SLC23A2: variants seen among roughly 807,000 people sequenced by gnomAD.
SLC23A2 encodes Na(+)/L-ascorbic acid transporter 2.
A neutral mutation model predicts 73.3 loss-of-function variants in SLC23A2; 36 were observed. The observed-to-expected ratio is 0.49, with a 90% CI of 0.38 to 0.65. SLC23A2 has a LOEUF of 0.65. Ranked by LOEUF, SLC23A2 falls within the 30% of genes least tolerant of loss-of-function variation. The pLI is 0.00. For missense variants in SLC23A2, 507 were observed against 841.6 expected (o/e 0.60, Z 4.92); for synonymous variants, 343 against 327.3 (o/e 1.05, Z -0.52).
upstream of SLC23A2, among the ~76,000 whole-genome samples, chr20:5,001,666 C>A (rs924427060): frequency 2.7e-5 from 4 of 150,590 alleles, no homozygotes; most frequent in African/African-American, 9.7e-5. Flanking sequence ...CCCGGAACAT[C>A]CCGGGCCTCG....
chr20:4,953,342 G>A (rs972817039), intron 2 of SLC23A2, among the ~76,000 whole-genome samples: 1 of 151,702 alleles, frequency 6.6e-6, no homozygotes, highest in African/African-American at 2.4e-5. Context: ...AATAAAAAAA[G>A]AAATGTAATT....
At chr20:5,002,102 A>G (rs2423083), upstream of SLC23A2, among the ~76,000 whole-genome samples, 31,072 of 152,088 alleles carry the variant, frequency 0.2, 3,639 homozygotes, top group African/African-American at 0.33. Flanking sequence ...GGTGCAGCCC[A>G]AAAGTCTGCA....
At chr20:4,993,410 G>GAAGAAAA (rs1555809511) in intron 1 of SLC23A2, among the ~76,000 whole-genome samples, 1 of 121,532 alleles carries the variant, frequency 8.2e-6, no homozygotes, top group Non-Finnish European at 1.7e-5. Context: ...GCCAAAATCC[G>GAAGAAAA]AAAAAAAAAA....
At chr20:4,931,082 A>G (rs1345663563) in intron 3 of SLC23A2, among the ~76,000 whole-genome samples, 1 of 148,970 alleles carries the variant, frequency 6.7e-6, no homozygotes, top group Non-Finnish European at 1.5e-5. Context: ...AAAAAAAAAA[A>G]AAAAAAAAAA....
rs373996937 is a variant in SLC23A2, at chr20:4,910,379, G to GAA, written c.207+2499_207+2500dup. Among the ~76,000 whole-genome samples, 372 of 128,182 alleles carry GAA rather than the reference G, an allele frequency of 2.9e-3. 2 individuals carry two copies. Among genetic ancestry groups the GAA allele is most frequent in the African/African-American group, 0.01 (342 of 32,780 alleles). The allele number at this position is 128,182 out of a possible 152,430, so 84.1% of individuals were successfully genotyped here. On this transcript the variant is annotated intron_variant, in intron 4 of 16. Transcript: ENST00000338244. The stretch of plus-strand genomic sequence containing the variant: ...GTGACAGAGTGAGACTCTGTCTCAA[G>GAA]AAAAAAAAAAAAAAACAGCCCGCTG...
At position 4,853,555 on chromosome 20, in the gene SLC23A2, T is replaced by G. The variant is rs1929603207; in HGVS notation, c.*3417A>C. The G allele has an allele frequency of 6.6e-6, 1 of 152,664 alleles. No homozygotes were observed. The highest frequency in any genetic ancestry group is 1.5e-5 in the Non-Finnish European group (1 of 68,050). The allele number at this position is 152,664 out of a possible 1,614,324, so 9.5% of individuals were successfully genotyped here. On this transcript the variant is annotated 3_prime_UTR_variant, in exon 17 of 17. Coordinates refer to ENST00000338244, the MANE Select transcript of SLC23A2 (RefSeq NM_005116.6). ...GAGAAATTCTATCATCACATGACAT[T>G]GTCATGAAAATTATATCATTCCCTC... is the stretch of plus-strand genomic sequence containing the variant.
At chr20:4,924,910 C>A (rs1043161218) in intron 3 of SLC23A2, among the ~76,000 whole-genome samples, 1 of 152,160 alleles carries the variant, frequency 6.6e-6, no homozygotes, top group Non-Finnish European at 1.5e-5. Context: ...TGTGGCCAGG[C>A]AAAGTGGCTC....
chr20:4,990,336 C>T (rs1304369002), intron 1 of SLC23A2, among the ~76,000 whole-genome samples: 1 of 151,890 alleles, frequency 6.6e-6, no homozygotes, highest in Non-Finnish European at 1.5e-5. Flanking sequence ...CTGGGCAACA[C>T]AGCAAGATTC....
In SLC23A2 at chr20:4,899,846, G is replaced by A; in HGVS notation, c.325-134C>T. On this transcript the variant is annotated intron_variant, in intron 5 of 16. Coordinates refer to ENST00000338244, the MANE Select transcript of SLC23A2 (RefSeq NM_005116.6). The surrounding 1 kb of genome is among the most constrained non-coding windows in gnomAD (Gnocchi z 4.9). ...AGAATCTCCTTGGTTTTTCGACCAAGCCATACTTTTTTCCTTCTTTTTCAG... is the reference window on the plus strand; with the variant it reads ...AGAATCTCCTTGGTTTTTCGACCAAACCATACTTTTTTCCTTCTTTTTCAG... 2 of 888,616 alleles carry A rather than the reference G, an allele frequency of 2.3e-6. No individual in the cohort carries two copies. Among genetic ancestry groups the A allele is most frequent in the African/African-American group, 1.7e-5 (1 of 59,118 alleles). 55.0% of individuals were successfully genotyped at this position (888,616 alleles called of 1,614,324 possible).
At chr20:4,946,342 C>A (rs1338431959) in intron 2 of SLC23A2, among the ~76,000 whole-genome samples, 1 of 152,100 alleles carries the variant, frequency 6.6e-6, no homozygotes, top group Non-Finnish European at 1.5e-5. Context: ...AAAAGGGTCC[C>A]TGGGCAAACA....
chr20:4,905,181 C>T (rs115106635), intron 4 of SLC23A2, among the ~76,000 whole-genome samples: 2,391 of 150,474 alleles, frequency 0.016, 48 homozygotes, highest in African/African-American at 0.055. Context: ...TACACACAGG[C>T]GCATGTATGC....
intron 3 of SLC23A2, among the ~76,000 whole-genome samples, chr20:4,913,606 GTTTTGT>G (rs1568621929): frequency 6.6e-6 from 1 of 151,418 alleles, no homozygotes; most frequent in African/African-American, 2.4e-5. Context: ...GTTTTTTTAG[GTTTTGT>G]TGTTGTTGTT....
intron 1 of SLC23A2, among the ~76,000 whole-genome samples, chr20:4,986,768 T>C (rs1373210697): frequency 6.7e-6 from 1 of 149,384 alleles, no homozygotes; most frequent in African/African-American, 2.5e-5. Context: ...TTGACCGTAT[T>C]CAAGAAATAA....
At chr20:4,923,436 C>T (rs1932567184) in intron 3 of SLC23A2, among the ~76,000 whole-genome samples, 3 of 152,212 alleles carry the variant, frequency 2.0e-5, no homozygotes, top group Admixed American at 6.5e-5. Flanking sequence ...GGGTGCTCAT[C>T]TTGGTTGTTC....
chr20:4,919,219 C>T (rs1354135520), intron 3 of SLC23A2, among the ~76,000 whole-genome samples: 1 of 152,232 alleles, frequency 6.6e-6, no homozygotes, highest in East Asian at 1.9e-4. Context: ...ATGACACTAG[C>T]GACCTTGAAT....
At chr20:5,006,919 G>A (rs933912044) in intron 1 of SLC23A2, among the ~76,000 whole-genome samples, 2 of 151,552 alleles carry the variant, frequency 1.3e-5, no homozygotes, top group Non-Finnish European at 2.9e-5. Context: ...CTAGGGCTGC[G>A]TGGCAGGACC....
At chr20:4,878,757 A>T (rs998437530) in intron 9 of SLC23A2, among the ~76,000 whole-genome samples, 1 of 152,202 alleles carries the variant, frequency 6.6e-6, no homozygotes, top group Non-Finnish European at 1.5e-5. Flanking sequence ...ACTGGTTTCA[A>T]ATATGACTGC....
At position 4,859,346 on chromosome 20, in the gene SLC23A2, T is replaced by C; in HGVS notation, c.1663A>G (p.Thr555Ala). Residue 555 changes from threonine (T) to alanine (A), a missense_variant, in exon 16 of 17, where the codon ACA becomes GCA. Physicochemically the swap from Thr to Ala is moderately conservative, Grantham distance 58. Around this residue, in one of 5 missense-constraint regions of SLC23A2, gnomAD observed 168 missense variants for 302.3 expected, o/e 0.56. Coordinates refer to ENST00000338244, the MANE Select transcript of SLC23A2 (RefSeq NM_005116.6). ...GIDQVLNVLL[T>A]TAMFVGGCVA... ...CAGCCCCCTACAAACATAGCAGTTG[T>C]GAGAAGGACGTTCAACACTTGATCG... 1 of 1,613,460 alleles carries C rather than the reference T, an allele frequency of 6.2e-7. No homozygotes were observed. Among genetic ancestry groups the C allele is most frequent in the South Asian group, 1.1e-5 (1 of 91,066 alleles).
At chr20:5,006,107 T>C (rs2088188228), upstream of SLC23A2, among the ~76,000 whole-genome samples, 1 of 152,178 alleles carries the variant, frequency 6.6e-6, no homozygotes, top group Admixed American at 6.5e-5. Flanking sequence ...TTGTTTTGTT[T>C]TGTTTTTTGA....
Sources: gnomAD v4.1 joint callset for allele counts (sites outside exome capture counted in the v4.1 genomes callset) on GRCh38, gnomAD v4.1.1 for gene constraint, gnomAD v4.1.1 regional missense constraint, Gnocchi (gnomAD v3.1) non-coding constraint, MANE v1.5 for transcripts, NCBI Gene and HGNC (gene_info 2026-07-23, HGNC 2026-07-21) for gene names.